The following NSUN3 variants were observed in gnomAD, a reference collection of about 807,000 sequenced individuals.
NSUN3 encodes tRNA (cytosine(34)-C(5))-methyltransferase, mitochondrial.
A neutral mutation model predicts 36.8 loss-of-function variants in NSUN3; 24 were observed. That is an observed-to-expected ratio of 0.65 (90% CI 0.47 to 0.92). The LOEUF (loss-of-function observed/expected upper bound fraction) is 0.92. Among genes scored for constraint, NSUN3 ranks in the 40% least tolerant of loss-of-function variants. NSUN3 has a pLI of 0.00. For synonymous variants in NSUN3, 146 were observed against 145.2 expected, an observed-to-expected ratio of 1.01 and a Z score of -0.04; for missense variants, 381 against 392.8, an observed-to-expected ratio of 0.97 and a Z score of 0.25.
intron 5 of NSUN3, among the ~76,000 whole-genome samples, chr3:94,120,885 C>G (rs998897808): frequency 6.6e-6 from 1 of 152,106 alleles, no homozygotes; most frequent in African/African-American, 2.4e-5. Context: ...TTTTAATAAT[C>G]TAACATTTTT....
chr3:94,124,240 C>T (rs1453680374), intron 5 of NSUN3, among the ~76,000 whole-genome samples: 1 of 147,436 alleles, frequency 6.8e-6, no homozygotes, highest in Non-Finnish European at 1.5e-5. Flanking sequence ...GTAACCTCTG[C>T]CTCCTGGGTT....
intron 2 of NSUN3, among the ~76,000 whole-genome samples, chr3:94,079,312 C>A (rs553847643): frequency 6.6e-6 from 1 of 152,154 alleles, no homozygotes; most frequent in Non-Finnish European, 1.5e-5. Context: ...TAGTCTGATG[C>A]GCTTCCCTTT....
Position 94,126,601 on chromosome 3 carries a change from C to G in NSUN3, c.*111C>G, listed in dbSNP as rs1449148547. ...ACTTTCTCTGGGTCTGTTTGGAATC[C>G]TATTTAGTTAATACTTTAGCATCTT... On this transcript the variant is annotated 3_prime_UTR_variant, in exon 6 of 6. Transcript: ENST00000314622. 4.2e-6 allele frequency: 4 copies of G among 952,176 alleles called. No individual in the cohort carries two copies. The highest frequency in any genetic ancestry group is 5.6e-5 in the Admixed American group (2 of 35,466). 59.0% of individuals were successfully genotyped at this position (952,176 alleles called of 1,614,324 possible).
intron 5 of NSUN3, among the ~76,000 whole-genome samples, chr3:94,116,153 G>T (rs1407274182): frequency 6.6e-6 from 1 of 152,078 alleles, no homozygotes; most frequent in Non-Finnish European, 1.5e-5. Flanking sequence ...TTGGAAGCCT[G>T]TGTAGATTAG....
intron 5 of NSUN3, among the ~76,000 whole-genome samples, chr3:94,105,453 G>C (rs148498642): frequency 2.0e-5 from 3 of 152,198 alleles, no homozygotes; most frequent in East Asian, 3.9e-4. Context: ...AATTTTGTAG[G>C]CTTTTATTTC....
intron 5 of NSUN3, among the ~76,000 whole-genome samples, chr3:94,109,997 C>T (rs1210036836): frequency 6.6e-6 from 1 of 152,110 alleles, no homozygotes; most frequent in Non-Finnish European, 1.5e-5. Context: ...AGCATGTACT[C>T]TTTTATCTGG....
At chr3:94,102,728 T>C (rs1340833621) in intron 5 of NSUN3, among the ~76,000 whole-genome samples, 1 of 152,144 alleles carries the variant, frequency 6.6e-6, no homozygotes, top group Non-Finnish European at 1.5e-5. Context: ...TGATAAAAGA[T>C]TGAGGAGCCA....
Position 94,127,355 on chromosome 3 carries a change from A to C in NSUN3, c.*865A>C, listed in dbSNP as rs1488447462. 1 of 152,142 alleles carries C rather than the reference A, an allele frequency of 6.6e-6. No homozygotes were observed. Among genetic ancestry groups the C allele is most frequent in the Non-Finnish European group, 1.5e-5 (1 of 68,034 alleles). 9.4% of individuals were successfully genotyped at this position (152,142 alleles called of 1,614,324 possible). ...CAGAATCTGATTATCTTACATTCAC[A>C]ATCTGGAGGGGCTTTTTATTTCACT... is the stretch of plus-strand genomic sequence containing the variant. On this transcript the variant is annotated 3_prime_UTR_variant, in exon 6 of 6. Coordinates refer to ENST00000314622, the MANE Select transcript of NSUN3 (RefSeq NM_022072.5).
intron 2 of NSUN3, among the ~76,000 whole-genome samples, chr3:94,071,865 A>G (rs1162886747): frequency 1.3e-5 from 2 of 152,122 alleles, no homozygotes; most frequent in Admixed American, 6.5e-5. Context: ...GCCCATCCAT[A>G]AAAGCTTTGG....
chr3:94,103,489 T>G (rs569464926), intron 5 of NSUN3, among the ~76,000 whole-genome samples: 1 of 151,594 alleles, frequency 6.6e-6, no homozygotes, highest in East Asian at 1.9e-4. Context: ...GGAGCTAAGA[T>G]ACATATATTT....
At chr3:94,100,032 A>G (rs1404715699) in intron 5 of NSUN3, among the ~76,000 whole-genome samples, 1 of 152,194 alleles carries the variant, frequency 6.6e-6, no homozygotes, top group Non-Finnish European at 1.5e-5. Flanking sequence ...TATGAGTTTC[A>G]TTCATATGAA....
intron 5 of NSUN3, among the ~76,000 whole-genome samples, chr3:94,099,859 C>T (rs1469211039): frequency 6.6e-6 from 1 of 151,746 alleles, no homozygotes; most frequent in East Asian, 1.9e-4. Context: ...TATTTTATCA[C>T]TATCTCACTA....
Position 94,069,151 on chromosome 3 carries a change from T to C in NSUN3, c.122+4605T>C, listed in dbSNP as rs150109799. Reference sequence around the variant, plus strand: ...TCAGATCCCGTAGTATGAAGGACTCTTATGTTCAGGATTTTTAGCCTTTTG... The same window carrying C: ...TCAGATCCCGTAGTATGAAGGACTCCTATGTTCAGGATTTTTAGCCTTTTG... On this transcript the variant is annotated intron_variant, in intron 2 of 5. Transcript: ENST00000314622. 4.5e-3 allele frequency among the ~76,000 whole-genome samples: 684 copies of C among 152,302 alleles called. 5 individuals carry two copies. Among genetic ancestry groups the C allele is most frequent in the African/African-American group, 0.016 (660 of 41,570 alleles).
chr3:94,076,034 G>A, intron 2 of NSUN3: 7 of 1,608,542 alleles, frequency 4.4e-6, no homozygotes, highest in Non-Finnish European at 6.0e-6. Context: ...AGGTTCATTG[G>A]GATTCCAGGA....
rs201502706 is a variant in NSUN3 at position 94,128,585 on chromosome 3, A to C, written c.*2095A>C. ...TGTGTGTGTGTGTGTGTGTGTGTGT[A>C]TATATATATATATATATAATTTTAT... is the stretch of plus-strand genomic sequence containing the variant. On this transcript the variant is annotated 3_prime_UTR_variant, in exon 6 of 6. Coordinates refer to ENST00000314622, the MANE Select transcript of NSUN3 (RefSeq NM_022072.5). 1 of 92,822 alleles carries C rather than the reference A, an allele frequency of 1.1e-5. No homozygotes were observed. The highest frequency in any genetic ancestry group is 3.5e-5 in the African/African-American group (1 of 28,714). The allele number at this position is 92,822 out of a possible 1,614,324, so 5.7% of individuals were successfully genotyped here.
At chr3:94,121,308 G>A (rs542439795) in intron 5 of NSUN3, among the ~76,000 whole-genome samples, 2 of 152,242 alleles carry the variant, frequency 1.3e-5, no homozygotes, top group South Asian at 4.1e-4. Flanking sequence ...TTCAACCCAG[G>A]CTTCCATCAT....
Position 94,069,229 on chromosome 3 carries a change from A to G in NSUN3, c.122+4683A>G, listed in dbSNP as rs1477441967. Among the ~76,000 whole-genome samples, 4 of 152,234 alleles carry G rather than the reference A, an allele frequency of 2.6e-5. No individual in the cohort carries two copies. In the South Asian group the frequency reaches 6.2e-4, roughly 24 times the overall value. On this transcript the variant is annotated intron_variant, in intron 2 of 5. Transcript: ENST00000314622. The stretch of plus-strand genomic sequence containing the variant: ...CCTATCTGAGGTACAGTGAATAACA[A>G]ATCTGGACATAAATTGCCCTTCTGT...
chr3:94,092,750 A>G (rs1311436361), intron 3 of NSUN3, among the ~76,000 whole-genome samples: 1 of 151,782 alleles, frequency 6.6e-6, no homozygotes, highest in Admixed American at 6.6e-5. Context: ...CTAAAAATAC[A>G]AAAATTTAAA....
At chr3:94,097,174 C>T (rs943173160) in intron 5 of NSUN3, among the ~76,000 whole-genome samples, 1 of 152,086 alleles carries the variant, frequency 6.6e-6, no homozygotes, top group Non-Finnish European at 1.5e-5. Context: ...ACAGGTAACA[C>T]ATGAAACCAT....
Sources: gnomAD v4.1 joint callset for allele counts (sites outside exome capture counted in the v4.1 genomes callset) on GRCh38, gnomAD v4.1.1 for gene constraint, MANE v1.5 for transcripts, NCBI Gene and HGNC (gene_info 2026-07-23, HGNC 2026-07-21) for gene names.